TNFSF4: variants seen among roughly 807,000 people sequenced by gnomAD.
TNFSF4 encodes tumor necrosis factor ligand superfamily member 4.
In TNFSF4, 4 loss-of-function variants were observed where a neutral mutation model predicts 7.3. The ratio of observed to expected loss-of-function variants is 0.55; its 90% CI spans 0.27 to 1.25. TNFSF4 has a LOEUF of 1.25. Among genes scored for constraint, TNFSF4 ranks in the 50% most tolerant of loss-of-function variants. The pLI, the probability that TNFSF4 is intolerant of heterozygous loss-of-function variation, is 0.12. For missense variants in TNFSF4, 181 were observed against 208.8 expected (o/e 0.87, Z 0.82); for synonymous variants, 76 against 83.7 (o/e 0.91, Z 0.50).
At chr1:173,369,041 C>T in the TNFSF4 span, among the ~76,000 whole-genome samples, 1 of 152,136 alleles carries the variant, frequency 6.6e-6, no homozygotes, top group Non-Finnish European at 1.5e-5. Flanking sequence ...TTTAGGATCC[C>T]TCCTCAGACT....
chr1:173,250,491 G>A, the TNFSF4 span, among the ~76,000 whole-genome samples: 32 of 146,544 alleles, frequency 2.2e-4, no homozygotes, highest in Admixed American at 5.5e-4. Flanking sequence ...ACGGAGTCTC[G>A]CTCTGTCACC....
the TNFSF4 span, among the ~76,000 whole-genome samples, chr1:173,288,572 T>A: frequency 2.0e-5 from 3 of 152,196 alleles, no homozygotes. Flanking sequence ...TTTTCTCTCA[T>A]ATACATGTGA....
chr1:173,333,167 A>G, the TNFSF4 span, among the ~76,000 whole-genome samples: 53,877 of 152,008 alleles, frequency 0.35, 10,225 homozygotes, highest in South Asian at 0.46. Flanking sequence ...ATGTTTCAAT[A>G]TGACTTGACA....
At chr1:173,426,751 C>T in the TNFSF4 span, among the ~76,000 whole-genome samples, 1 of 152,132 alleles carries the variant, frequency 6.6e-6, no homozygotes, top group Non-Finnish European at 1.5e-5. Flanking sequence ...CACCACCACA[C>T]CCAGCAGATT....
At chr1:173,370,617 T>C in the TNFSF4 span, among the ~76,000 whole-genome samples, 20 of 152,300 alleles carry the variant, frequency 1.3e-4, no homozygotes, top group African/African-American at 4.6e-4. Flanking sequence ...CAATTGATCC[T>C]AAAAGATAAG....
the TNFSF4 span, among the ~76,000 whole-genome samples, chr1:173,299,347 C>T: frequency 6.6e-6 from 1 of 151,876 alleles, no homozygotes; most frequent in Non-Finnish European, 1.5e-5. Context: ...TGCATCTGAT[C>T]ACTGGTGGAT....
the TNFSF4 span, among the ~76,000 whole-genome samples, chr1:173,323,817 G>T: frequency 6.6e-6 from 1 of 151,950 alleles, no homozygotes; most frequent in Non-Finnish European, 1.5e-5. Context: ...AGAGAAAAAA[G>T]AATTAAAAAA....
the TNFSF4 span, among the ~76,000 whole-genome samples, chr1:173,414,209 G>A: frequency 6.6e-6 from 1 of 152,164 alleles, no homozygotes; most frequent in Non-Finnish European, 1.5e-5. Context: ...CTAAGGTCAA[G>A]ATGCCAGAAA....
the TNFSF4 span, among the ~76,000 whole-genome samples, chr1:173,448,352 T>C: frequency 6.6e-6 from 1 of 152,184 alleles, no homozygotes; most frequent in African/African-American, 2.4e-5. Context: ...TGCTAAACCA[T>C]ATTCTGGACC....
the TNFSF4 span, among the ~76,000 whole-genome samples, chr1:173,448,422 C>A: frequency 6.6e-6 from 1 of 152,088 alleles, no homozygotes; most frequent in Non-Finnish European, 1.5e-5. Context: ...CTTTTTCATG[C>A]GCGTCCATGT....
chr1:173,416,067 T>C, the TNFSF4 span, among the ~76,000 whole-genome samples: 1 of 152,116 alleles, frequency 6.6e-6, no homozygotes, highest in African/African-American at 2.4e-5. Flanking sequence ...TGGGAGTTGG[T>C]GAGCTGTCCA....
chr1:173,331,391 C>T, the TNFSF4 span, among the ~76,000 whole-genome samples: 394 of 152,174 alleles, frequency 2.6e-3, 3 homozygotes, highest in Non-Finnish European at 4.4e-3. Context: ...ATCACAATGA[C>T]GCATCTTCAA....
At chr1:173,383,536 T>C in the TNFSF4 span, among the ~76,000 whole-genome samples, 2 of 152,254 alleles carry the variant, frequency 1.3e-5, no homozygotes, top group Non-Finnish European at 2.9e-5. Flanking sequence ...TTACCTCATT[T>C]CCTTTTCAGA....
chr1:173,288,990 C>T, the TNFSF4 span, among the ~76,000 whole-genome samples: 5 of 151,984 alleles, frequency 3.3e-5, no homozygotes, highest in Non-Finnish European at 5.9e-5. Context: ...TTGATTTCCA[C>T]CTGGAGGAAT....
the TNFSF4 span, among the ~76,000 whole-genome samples, chr1:173,353,397 G>T: frequency 6.6e-6 from 1 of 152,176 alleles, no homozygotes; most frequent in African/African-American, 2.4e-5. Flanking sequence ...GCTTCAGCAG[G>T]TCCCTCCATT....
the TNFSF4 span, among the ~76,000 whole-genome samples, chr1:173,229,158 A>C: frequency 6.6e-6 from 1 of 152,336 alleles, no homozygotes; most frequent in Non-Finnish European, 1.5e-5. Context: ...ATGAAGGAAA[A>C]AATGTTAAGG....
chr1:173,441,310 A>G, the TNFSF4 span, among the ~76,000 whole-genome samples: 2 of 151,424 alleles, frequency 1.3e-5, no homozygotes, highest in Admixed American at 6.6e-5. Context: ...TTCTACCTCA[A>G]TCTCACTTCC....
chr1:173,372,454 C>G, the TNFSF4 span, among the ~76,000 whole-genome samples: 1 of 152,096 alleles, frequency 6.6e-6, no homozygotes, highest in Non-Finnish European at 1.5e-5. Flanking sequence ...TTATACATCA[C>G]AGAGAGAGTG....
the TNFSF4 span, among the ~76,000 whole-genome samples, chr1:173,360,361 G>A: frequency 4.1e-4 from 62 of 152,334 alleles, no homozygotes; most frequent in African/African-American, 1.3e-3. Context: ...GCTGACTGTG[G>A]CAGAAAAGCC....
Sources: allele counts gnomAD v4.1 joint callset (sites outside exome capture counted in the v4.1 genomes callset), GRCh38; gene constraint gnomAD v4.1.1; transcripts MANE v1.5; gene names NCBI Gene and HGNC (gene_info 2026-07-23, HGNC 2026-07-21).